NLRP7: variants seen among roughly 807,000 people sequenced by gnomAD.
NLRP7 encodes the protein NLR family pyrin domain containing 7, also known as NACHT, LRR and PYD domains-containing protein 7.
Under a neutral mutation model 85.5 loss-of-function variants are expected in NLRP7, and 72 were observed. The observed-to-expected ratio is 0.84, with a 90% CI of 0.70 to 1.02. The LOEUF is 1.02. Ranked by LOEUF, NLRP7 falls within the 50% of genes least tolerant of loss-of-function variation. The probability of loss-of-function intolerance (pLI) is 0.00; values close to 1 mark genes in which losing one functional copy is unlikely to be tolerated. For synonymous variants in NLRP7, 550 were observed against 505.2 expected (o/e 1.09, Z -1.19); for missense variants, 1,243 against 1,219.5 (o/e 1.02, Z -0.29).
intron 8 of NLRP7, among the ~76,000 whole-genome samples, chr19:54,931,148 G>A (rs536715627): frequency 5.9e-4 from 90 of 152,330 alleles, no homozygotes; most frequent in Non-Finnish European, 1.1e-3. Flanking sequence ...AATGGGCCGG[G>A]CACAGTGGCT....
rs931519972 is a variant in NLRP7, at chr19:54,942,185, AG to A, written c.-39-436del. On this transcript the variant is annotated intron_variant, in intron 1 of 9. Transcript: ENST00000340844. ...GCAGGAGAATGGTGTGAACCCGGGA[AG>A]TGGAGCTTGCAGTGAGCAGAGATCT... Among the ~76,000 whole-genome samples, 139 of 133,462 alleles carry A rather than the reference AG, an allele frequency of 1.0e-3. 1 individual carries two copies. Among genetic ancestry groups the A allele is most frequent in the Non-Finnish European group, 1.8e-3 (113 of 64,330 alleles). 87.6% of individuals were successfully genotyped at this position (133,462 alleles called of 152,430 possible).
At chr19:54,960,171 T>C (rs923886518) in intron 1 of NLRP7, among the ~76,000 whole-genome samples, 3 of 151,952 alleles carry the variant, frequency 2.0e-5, no homozygotes, top group African/African-American at 7.2e-5. Context: ...CGTTTTGTTT[T>C]TTGAGATGTT....
intron 9 of NLRP7, among the ~76,000 whole-genome samples, chr19:54,929,700 A>G (rs269942): frequency 4.0e-5 from 6 of 151,866 alleles, no homozygotes; most frequent in African/African-American, 1.2e-4. Flanking sequence ...CCATTGTTAT[A>G]TATATTTCAC....
At chr19:54,931,884 A>G (rs2068696551) in intron 8 of NLRP7, among the ~76,000 whole-genome samples, 3 of 151,312 alleles carry the variant, frequency 2.0e-5, no homozygotes, top group South Asian at 2.1e-4. Context: ...TTCTGATTCC[A>G]TCCATTTCCA....
upstream of NLRP7, chr19:54,949,086 T>C (rs941653028): frequency 2.0e-5 from 3 of 152,146 alleles, no homozygotes; most frequent in African/African-American, 7.2e-5. Context: ...GAGACCAACC[T>C]GGGCAACATG....
intron 1 of NLRP7, among the ~76,000 whole-genome samples, chr19:54,945,755 C>G (rs866019614): frequency 8.6e-5 from 13 of 151,558 alleles, no homozygotes; most frequent in Non-Finnish European, 1.8e-4. Flanking sequence ...CACCGCATCA[C>G]GCCGGGCTAG....
upstream of NLRP7, among the ~76,000 whole-genome samples, chr19:54,951,243 C>T (rs2146265717): frequency 6.6e-6 from 1 of 152,214 alleles, no homozygotes; most frequent in Middle Eastern, 3.4e-3. Flanking sequence ...TCTTTCTTTT[C>T]CCCACAAAAA....
chr19:54,961,742 G>A (rs1568440826), intron 1 of NLRP7, among the ~76,000 whole-genome samples: 1 of 151,374 alleles, frequency 6.6e-6, no homozygotes, highest in Non-Finnish European at 1.5e-5. Context: ...AGCCCCGGAG[G>A]CAGAGGTTGC....
At chr19:54,944,859 C>T (rs955800505) in intron 1 of NLRP7, among the ~76,000 whole-genome samples, 1 of 152,108 alleles carries the variant, frequency 6.6e-6, no homozygotes, top group Admixed American at 6.6e-5. Flanking sequence ...GAAATGATTA[C>T]CACAATCCAG....
At chr19:54,937,628 C>T (rs1050437596) in intron 5 of NLRP7, among the ~76,000 whole-genome samples, 2 of 149,752 alleles carry the variant, frequency 1.3e-5, no homozygotes, top group African/African-American at 2.5e-5. Context: ...CCAGGTGCAG[C>T]GGCTCATGCC....
chr19:54,935,429 T>C (rs1002375563), intron 6 of NLRP7, among the ~76,000 whole-genome samples: 6 of 151,982 alleles, frequency 3.9e-5, no homozygotes, highest in Non-Finnish European at 4.4e-5. Context: ...GGCGCAGTGG[T>C]TCATGCCTGT....
chr19:54,940,874 T>C (rs1412187903), intron 3 of NLRP7, 57 bp downstream of exon 3: 1 of 1,010,432 alleles, frequency 9.9e-7, no homozygotes, highest in African/African-American at 1.6e-5. Context: ...GAAGAAGTGA[T>C]GCACCTTGCA....
Position 54,941,720 on chromosome 19 carries a change from G to A in NLRP7, c.-9C>T, listed in dbSNP as rs184816368. The A allele has an allele frequency of 2.2e-3, 3,573 of 1,611,222 alleles. 15 individuals carry two copies. Among genetic ancestry groups the A allele is most frequent in the Non-Finnish European group, 2.5e-3 (3,003 of 1,178,500 alleles). On this transcript the variant is annotated 5_prime_UTR_variant, in exon 2 of 10. Coordinates refer to ENST00000340844, the Ensembl canonical transcript of NLRP7. ...AGCTGGGGCGATGTCATAGTGCTCC[G>A]AGTATGAGACCTTAGGTTAAGGCTG... is the stretch of plus-strand genomic sequence containing the variant.
intron 1 of NLRP7, among the ~76,000 whole-genome samples, chr19:54,953,988 CAG>C (rs1381773126): frequency 1.3e-5 from 2 of 151,220 alleles, no homozygotes; most frequent in Non-Finnish European, 3.0e-5. Flanking sequence ...GCCTGGGTGA[CAG>C]AGCGAGACTC....
intron 1 of NLRP7, among the ~76,000 whole-genome samples, chr19:54,954,246 G>A (rs968098318): frequency 8.1e-5 from 12 of 148,522 alleles, no homozygotes; most frequent in East Asian, 5.9e-4. Flanking sequence ...ATGGGCAACC[G>A]GCCGGGCGCG....
intron 8 of NLRP7, among the ~76,000 whole-genome samples, chr19:54,931,009 C>T (rs1046409582): frequency 4.6e-5 from 7 of 151,932 alleles, no homozygotes; most frequent in African/African-American, 9.7e-5. Flanking sequence ...GGCGACAGAG[C>T]GAGACTCCGT....
rs111599175 is a variant in NLRP7 at position 54,935,228 on chromosome 19, G to T, written c.2301-569C>A. Among the ~76,000 whole-genome samples, 11 of 19,616 alleles carry T rather than the reference G, an allele frequency of 5.6e-4. No homozygotes were observed. In the South Asian group the frequency reaches 0.042, roughly 76 times the overall value. The allele number at this position is 19,616 out of a possible 152,430, so 12.9% of individuals were successfully genotyped here. A position where few individuals can be genotyped will look rare whatever the true frequency, so the allele number is the denominator to read the frequency against. On this transcript the variant is annotated intron_variant, in intron 6 of 9. Transcript: ENST00000340844. ...CCTGTGTGGATGATTTTGCAGGGGG[G>T]AAAAAAAAATTTTTTTTTTGAGACA...
chr19:54,964,266 G>C (rs1371560480), intron 1 of NLRP7, among the ~76,000 whole-genome samples: 3 of 137,814 alleles, frequency 2.2e-5, no homozygotes, highest in African/African-American at 8.1e-5. Context: ...GCCCAGGCTG[G>C]AGTGCAGTGG....
At chr19:54,941,476 T>G in exon 2 of NLRP7, 2 of 1,613,802 alleles carry the variant, frequency 1.2e-6, no homozygotes, top group Non-Finnish European at 1.7e-6. Context: ...TTCCGTGAGA[T>G]TCATCTCTTC....
Sources: allele counts gnomAD v4.1 joint callset (sites outside exome capture counted in the v4.1 genomes callset), GRCh38; gene constraint gnomAD v4.1.1; transcripts MANE v1.5; gene names NCBI Gene and HGNC (gene_info 2026-07-23, HGNC 2026-07-21).